Variants in HK1 observed in about 807,000 individuals in gnomAD.
HK1 encodes the protein hexokinase-1.
Under a neutral mutation model 91.6 loss-of-function variants are expected in HK1, and 28 were observed. The ratio of observed to expected loss-of-function variants is 0.31; its 90% CI spans 0.23 to 0.42. HK1 has a LOEUF of 0.42. Ranked by LOEUF, HK1 falls within the 10% of genes least tolerant of loss-of-function variation. The probability of loss-of-function intolerance (pLI) is 1.00; values close to 1 mark genes in which losing one functional copy is unlikely to be tolerated. For synonymous variants in HK1, 430 were observed against 468.1 expected, an observed-to-expected ratio of 0.92 and a Z score of 1.05; for missense variants, 770 against 1,219.8, an observed-to-expected ratio of 0.63 and a Z score of 5.49.
chr10:69,355,606 A>G (rs1849087478), intron 2 of HK1, among the ~76,000 whole-genome samples: 1 of 152,174 alleles, frequency 6.6e-6, no homozygotes, highest in African/African-American at 2.4e-5. Flanking sequence ...CGTGGCCAAC[A>G]TGGTGAAACC....
At chr10:69,363,364 A>G (rs577470407) in intron 3 of HK1, among the ~76,000 whole-genome samples, 6 of 152,324 alleles carry the variant, frequency 3.9e-5, no homozygotes, top group Non-Finnish European at 5.9e-5. Flanking sequence ...TAGAACACAC[A>G]TAGAATATTA....
intron 3 of HK1, among the ~76,000 whole-genome samples, chr10:69,364,009 C>T (rs1564543238): frequency 1.3e-5 from 2 of 152,290 alleles, no homozygotes; most frequent in East Asian, 1.9e-4. Context: ...AACACAGACA[C>T]CAAAGAGCAC....
At chr10:69,345,574 AC>A (rs534561145) in intron 2 of HK1, among the ~76,000 whole-genome samples, 56 of 152,152 alleles carry the variant, frequency 3.7e-4, no homozygotes, top group Non-Finnish European at 6.9e-4. Context: ...TATGGGCAGC[AC>A]CCAGGAGAGC....
At chr10:69,352,591 C>T (rs184962464) in intron 2 of HK1, among the ~76,000 whole-genome samples, 440 of 152,284 alleles carry the variant, frequency 2.9e-3, no homozygotes, top group Non-Finnish European at 5.1e-3. Context: ...CCTTGAAAAC[C>T]TTATGCCGGG....
At chr10:69,290,726 C>T (rs1477251346) in intron 3 of HK1, among the ~76,000 whole-genome samples, 1 of 152,194 alleles carries the variant, frequency 6.6e-6, no homozygotes, top group East Asian at 1.9e-4. Flanking sequence ...TCTCGAACTC[C>T]TGACCTCAGG....
At chr10:69,318,767 G>C, upstream of HK1, 1 of 1,237,332 alleles carries the variant, frequency 8.1e-7, no homozygotes, top group South Asian at 1.8e-5. Flanking sequence ...CACCCTCCAG[G>C]GGACGGGAGC....
intron 1 of HK1, among the ~76,000 whole-genome samples, chr10:69,320,379 C>T (rs529892355): frequency 6.6e-6 from 1 of 152,198 alleles, no homozygotes; most frequent in East Asian, 1.9e-4. Flanking sequence ...CTTGGGAATG[C>T]CATCTGCCAT....
rs761666786 is a variant in HK1 at position 69,331,362 on chromosome 10, C to T, written c.63+12352C>T. Among the ~76,000 whole-genome samples the T allele has an allele frequency of 5.9e-5, 9 of 152,344 alleles. No individual in the cohort carries two copies. The South Asian group carries it at 1.0e-3, about 18-fold the overall frequency. On this transcript the variant is annotated intron_variant, in intron 1 of 17. Coordinates refer to ENST00000359426, the MANE Select transcript of HK1 (RefSeq NM_000188.3). ...AGCTACTGCGTGTTCTACATTTCAG[C>T]GGCCTTCTTCATAGAAACTGTCACC... is the stretch of plus-strand genomic sequence containing the variant.
upstream of HK1, among the ~76,000 whole-genome samples, chr10:69,313,689 GTTTCTCCA>G (rs1233528897): frequency 6.6e-6 from 1 of 152,082 alleles, no homozygotes; most frequent in African/African-American, 2.4e-5. Context: ...TAGAGATGGG[GTTTCTCCA>G]TGTTGGTCAG....
intron 2 of HK1, among the ~76,000 whole-genome samples, chr10:69,352,284 C>T (rs1021266498): frequency 1.3e-5 from 2 of 152,068 alleles, no homozygotes; most frequent in African/African-American, 2.4e-5. Flanking sequence ...TGAGCCACTG[C>T]GCCCGGCTGA....
intron 1 of HK1, among the ~76,000 whole-genome samples, chr10:69,279,961 G>A (rs946296689): frequency 5.3e-5 from 8 of 152,118 alleles, no homozygotes; most frequent in Admixed American, 4.6e-4. Context: ...GTTGATCAGC[G>A]ATTGTGTCTT....
At chr10:69,300,796 C>A (rs1845822413) in exon 5 of HK1, 1 of 1,608,888 alleles carries the variant, frequency 6.2e-7, no homozygotes, top group Admixed American at 1.7e-5. Context: ...AGAGCATCAG[C>A]CAGGACATTA....
chr10:69,272,106 C>T (rs189429719), intron 1 of HK1, among the ~76,000 whole-genome samples: 51 of 152,274 alleles, frequency 3.3e-4, no homozygotes, highest in Non-Finnish European at 4.9e-4. Flanking sequence ...TCAGGTGATC[C>T]GCCTGCCTTG....
chr10:69,357,505 C>T (rs1218531571), intron 2 of HK1, among the ~76,000 whole-genome samples: 1 of 152,086 alleles, frequency 6.6e-6, no homozygotes, highest in Non-Finnish European at 1.5e-5. Flanking sequence ...GGCTGGAGTG[C>T]AGTGGCGTGA....
intron 1 of HK1, among the ~76,000 whole-genome samples, chr10:69,335,228 C>A (rs1300213121): frequency 6.6e-6 from 1 of 152,172 alleles, no homozygotes; most frequent in Non-Finnish European, 1.5e-5. Flanking sequence ...AAGAGGAGTC[C>A]GGGGCTGCTG....
chr10:69,396,981 G>T (rs748227529), intron 16 of HK1, among the ~76,000 whole-genome samples: 1 of 152,124 alleles, frequency 6.6e-6, no homozygotes, highest in East Asian at 1.9e-4. Context: ...CACCACGCCC[G>T]GCCATAATTT....
intron 1 of HK1, chr10:69,338,209 C>T (rs1589506176): frequency 7.3e-6 from 8 of 1,091,982 alleles, no homozygotes; most frequent in Non-Finnish European, 9.0e-6. Context: ...TGAGCAAGAG[C>T]GCCCGCCCTG....
intron 3 of HK1, 22 bp from the exon 4 acceptor site, chr10:69,364,761 A>G (rs756647844): frequency 6.8e-6 from 11 of 1,613,972 alleles, no homozygotes; most frequent in African/African-American, 1.3e-5. Flanking sequence ...GGGCCCCCTG[A>G]CTGCTCTCAT....
chr10:69,344,843 T>C (rs998615441), intron 2 of HK1, among the ~76,000 whole-genome samples: 3 of 152,136 alleles, frequency 2.0e-5, no homozygotes, highest in African/African-American at 7.2e-5. Flanking sequence ...CTGTTAGCTG[T>C]GTTCTGTGCT....
Sources: gnomAD v4.1 joint callset for allele counts (sites outside exome capture counted in the v4.1 genomes callset) on GRCh38, gnomAD v4.1.1 for gene constraint, MANE v1.5 for transcripts, NCBI Gene and HGNC (gene_info 2026-07-23, HGNC 2026-07-21) for gene names.